The following LTAP1 variants were observed in gnomAD, a reference collection of about 807,000 sequenced individuals.
The protein encoded by LTAP1 is HCV NS5A-transactivated protein 4.
At chr1:154,214,523 A>C in the LTAP1 span, 4 of 1,614,088 alleles carry the variant, frequency 2.5e-6, no homozygotes, top group Non-Finnish European at 2.5e-6. Flanking sequence ...TGGGGCTCAT[A>C]CTTGATATCC....
At chr1:154,207,241 T>G in the LTAP1 span, 1 of 440,824 alleles carries the variant, frequency 2.3e-6, no homozygotes, top group South Asian at 4.1e-5. Context: ...TGGGGGAAAA[T>G]AGTCTTAGCC....
chr1:154,215,859 A>T, the LTAP1 span, among the ~76,000 whole-genome samples: 16 of 148,232 alleles, frequency 1.1e-4, no homozygotes, highest in Non-Finnish European at 2.4e-4. Context: ...TTTTTTTGAG[A>T]CGGAGTCTCG....
chr1:154,219,868 G>A, the LTAP1 span: 1 of 1,613,782 alleles, frequency 6.2e-7, no homozygotes, highest in Non-Finnish European at 8.5e-7. Context: ...GGGACATGAG[G>A]TCCCCTTCGA....
the LTAP1 span, among the ~76,000 whole-genome samples, chr1:154,216,578 T>A: frequency 1.3e-5 from 2 of 151,984 alleles, no homozygotes; most frequent in Admixed American, 6.6e-5. Context: ...TGATCTTGGC[T>A]CATTGCAACC....
At chr1:154,219,844 C>G in the LTAP1 span, 1 of 1,606,476 alleles carries the variant, frequency 6.2e-7, no homozygotes, top group South Asian at 1.1e-5. Context: ...ACCTTGGGGG[C>G]ATTGTGTCCC....
the LTAP1 span, chr1:154,220,481 G>A: frequency 1.3e-6 from 2 of 1,570,738 alleles, no homozygotes; most frequent in East Asian, 2.2e-5. Context: ...CTCCGCCGAA[G>A]CGACGGCGCC....
chr1:154,207,550 G>A, the LTAP1 span: 2 of 1,614,028 alleles, frequency 1.2e-6, no homozygotes, highest in Non-Finnish European at 1.7e-6. Context: ...GGGGAGGTAT[G>A]TCACCTGGAT....
At chr1:154,212,644 A>G in the LTAP1 span, 8 of 1,612,852 alleles carry the variant, frequency 5.0e-6, no homozygotes, top group Admixed American at 3.3e-5. Context: ...AAACAGCACA[A>G]TGATATCTCT....
chr1:154,219,628 G>T, the LTAP1 span, among the ~76,000 whole-genome samples: 1 of 152,186 alleles, frequency 6.6e-6, no homozygotes, highest in African/African-American at 2.4e-5. Flanking sequence ...AAAAACAGAA[G>T]TTCCAGGATG....
At chr1:154,209,200 T>C in the LTAP1 span, among the ~76,000 whole-genome samples, 1 of 152,242 alleles carries the variant, frequency 6.6e-6, no homozygotes, top group Admixed American at 6.5e-5. Context: ...AAACTGAAAC[T>C]ATACCCAGTG....
At chr1:154,213,030 G>A in the LTAP1 span, among the ~76,000 whole-genome samples, 1 of 152,118 alleles carries the variant, frequency 6.6e-6, no homozygotes, top group Non-Finnish European at 1.5e-5. Context: ...AATGAAGCTG[G>A]GCGCAGTGGC....
chr1:154,208,587 C>A, the LTAP1 span: 3 of 152,048 alleles, frequency 2.0e-5, no homozygotes, highest in Non-Finnish European at 4.4e-5. Flanking sequence ...ATAGGTATCA[C>A]CTTGTTTTGC....
At chr1:154,219,984 T>A in the LTAP1 span, 2 of 1,426,126 alleles carry the variant, frequency 1.4e-6, no homozygotes, top group South Asian at 2.6e-5. Context: ...TCAGTTTTGT[T>A]TTGTTTTTTT....
At chr1:154,214,972 G>A in the LTAP1 span, among the ~76,000 whole-genome samples, 1 of 151,784 alleles carries the variant, frequency 6.6e-6, no homozygotes, top group Admixed American at 6.6e-5. Flanking sequence ...AGCCTCCAGA[G>A]TAGCTGGGAT....
At chr1:154,212,148 T>G in the LTAP1 span, 2 of 738,462 alleles carry the variant, frequency 2.7e-6, no homozygotes, top group Non-Finnish European at 4.7e-6. Context: ...TGAACCACTG[T>G]GCCCGGCCGC....
At chr1:154,212,058 T>C in the LTAP1 span, 1 of 416,240 alleles carries the variant, frequency 2.4e-6, no homozygotes, top group Non-Finnish European at 4.5e-6. Flanking sequence ...GGTTTCTCCA[T>C]GTTGGTCAGG....
the LTAP1 span, among the ~76,000 whole-genome samples, chr1:154,209,565 C>T: frequency 6.6e-6 from 1 of 151,308 alleles, no homozygotes; most frequent in Admixed American, 6.6e-5. Context: ...GCTGGGACTA[C>T]AGGTAGGTGG....
At chr1:154,214,652 A>T in the LTAP1 span, 2 of 837,288 alleles carry the variant, frequency 2.4e-6, no homozygotes, top group Non-Finnish European at 3.9e-6. Context: ...GGGCAGAGTT[A>T]ATGAATAACT....
At chr1:154,212,224 G>A in the LTAP1 span, 10 of 1,311,980 alleles carry the variant, frequency 7.6e-6, no homozygotes, top group Non-Finnish European at 9.9e-6. Context: ...TGGTATCATG[G>A]ATTTTGTTTA....
Sources: allele counts gnomAD v4.1 joint callset (sites outside exome capture counted in the v4.1 genomes callset), GRCh38; gene constraint gnomAD v4.1.1; transcripts MANE v1.5; gene names NCBI Gene and HGNC (gene_info 2026-07-23, HGNC 2026-07-21).